The following ADCY2 variants were observed in gnomAD, a reference collection of about 807,000 sequenced individuals.
The protein encoded by ADCY2 is adenylate cyclase type 2.
In ADCY2, 31 loss-of-function variants were observed where a neutral mutation model predicts 125.2. The ratio of observed to expected loss-of-function variants is 0.25; its 90% CI spans 0.19 to 0.33. ADCY2 has a LOEUF of 0.33. Ranked by LOEUF, ADCY2 falls within the 10% of genes least tolerant of loss-of-function variation. The pLI, the probability that ADCY2 is intolerant of heterozygous loss-of-function variation, is 1.00. For missense variants in ADCY2, 904 were observed against 1,418.2 expected (o/e 0.64, Z 5.82); for synonymous variants, 512 against 548.4 (o/e 0.93, Z 0.93).
chr5:7,690,520 T>C (rs889968082), intron 4 of ADCY2, 171 bp from the exon 5 acceptor site: 2 of 465,548 alleles, frequency 4.3e-6, no homozygotes, highest in Non-Finnish European at 7.2e-6. Context: ...CAGTCCGACC[T>C]TAGAAAATCT....
At chr5:7,573,933 C>T (rs1267979256) in intron 3 of ADCY2, among the ~76,000 whole-genome samples, 8 of 104,666 alleles carry the variant, frequency 7.6e-5, no homozygotes, top group African/African-American at 2.9e-4. Context: ...ACAACAGTCC[C>T]CAGAGTGTGA....
chr5:7,748,297 C>G (rs1742691766), intron 15 of ADCY2, among the ~76,000 whole-genome samples: 1 of 152,140 alleles, frequency 6.6e-6, no homozygotes, highest in Non-Finnish European at 1.5e-5. Flanking sequence ...ATTGAAATTT[C>G]TTGCTCACAT....
intron 1 of ADCY2, among the ~76,000 whole-genome samples, chr5:7,412,662 C>A (rs574075196): frequency 6.6e-6 from 1 of 152,366 alleles, no homozygotes; most frequent in African/African-American, 2.4e-5. Flanking sequence ...TACTTGTTTT[C>A]TGCCAGTTCT....
chr5:7,619,378 G>A (rs986389318), intron 3 of ADCY2, among the ~76,000 whole-genome samples: 1 of 152,192 alleles, frequency 6.6e-6, no homozygotes, highest in African/African-American at 2.4e-5. Flanking sequence ...ATGGTCTGCA[G>A]AATAGGTCAA....
At chr5:7,552,346 G>C (rs1173441247) in intron 3 of ADCY2, among the ~76,000 whole-genome samples, 1 of 152,190 alleles carries the variant, frequency 6.6e-6, no homozygotes, top group Non-Finnish European at 1.5e-5. Context: ...TTTCATCAGT[G>C]AGAAGCAGTA....
chr5:7,478,103 A>C (rs942209355), intron 2 of ADCY2, among the ~76,000 whole-genome samples: 1 of 152,198 alleles, frequency 6.6e-6, no homozygotes, highest in Non-Finnish European at 1.5e-5. Context: ...TTGTACATTT[A>C]CTTTATCAAT....
chr5:7,637,730 G>T (rs1378259076), intron 4 of ADCY2, among the ~76,000 whole-genome samples: 2 of 152,022 alleles, frequency 1.3e-5, no homozygotes, highest in Admixed American at 6.6e-5. Flanking sequence ...TGTTTTAGAA[G>T]GTATATTAAA....
intron 16 of ADCY2, among the ~76,000 whole-genome samples, chr5:7,765,893 G>A (rs1242593274): frequency 2.0e-5 from 3 of 152,128 alleles, no homozygotes; most frequent in Admixed American, 6.5e-5. Context: ...TGATCCGTGG[G>A]TATTTAGTCT....
intron 3 of ADCY2, among the ~76,000 whole-genome samples, chr5:7,588,015 T>C (rs1301277155): frequency 6.6e-6 from 1 of 152,184 alleles, no homozygotes; most frequent in East Asian, 1.9e-4. Flanking sequence ...ACAGTATAAA[T>C]TTATTATTAC....
intron 2 of ADCY2, among the ~76,000 whole-genome samples, chr5:7,501,056 T>C (rs951864094): frequency 1.3e-5 from 2 of 151,968 alleles, no homozygotes; most frequent in Admixed American, 1.3e-4. Context: ...TCTTTATGTG[T>C]GTTTTAAAAG....
intron 2 of ADCY2, among the ~76,000 whole-genome samples, chr5:7,442,888 C>G (rs1384724575): frequency 1.3e-5 from 2 of 152,106 alleles, no homozygotes; most frequent in Admixed American, 1.3e-4. Flanking sequence ...CACATAAACT[C>G]TTGGATTGAT....
At chr5:7,698,470 T>TAG in intron 7 of ADCY2, 96 bp downstream of exon 7, 1 of 1,333,912 alleles carries the variant, frequency 7.5e-7, no homozygotes, top group African/African-American at 1.5e-5. Context: ...ATACATGTAC[T>TAG]GTGTTGGTTT....
At chr5:7,455,598 T>G (rs1741638435) in intron 2 of ADCY2, among the ~76,000 whole-genome samples, 1 of 148,962 alleles carries the variant, frequency 6.7e-6, no homozygotes, top group South Asian at 2.1e-4. Context: ...GTACATATTA[T>G]AATTATGTAT....
chr5:7,505,540 A>G (rs932900680), intron 2 of ADCY2, among the ~76,000 whole-genome samples: 5 of 152,242 alleles, frequency 3.3e-5, no homozygotes, highest in Non-Finnish European at 5.9e-5. Context: ...AGGACTGTGC[A>G]GGAAGATGTT....
chr5:7,773,457 T>C (rs1272545922), intron 18 of ADCY2, among the ~76,000 whole-genome samples: 1 of 152,168 alleles, frequency 6.6e-6, no homozygotes, highest in Admixed American at 6.6e-5. Flanking sequence ...AGGTAGGGTG[T>C]TTAGTGACAT....
At chr5:7,530,123 C>A (rs1174556756) in intron 3 of ADCY2, among the ~76,000 whole-genome samples, 1 of 152,132 alleles carries the variant, frequency 6.6e-6, no homozygotes, top group Non-Finnish European at 1.5e-5. Flanking sequence ...GGCCAACCTC[C>A]TTGTTTGGTT....
At chr5:7,752,820 G>A (rs1002537645) in intron 15 of ADCY2, among the ~76,000 whole-genome samples, 1 of 151,648 alleles carries the variant, frequency 6.6e-6, no homozygotes, top group Non-Finnish European at 1.5e-5. Context: ...AAGAACATTG[G>A]GATTCATCCC....
chr5:7,657,040 A>G (rs1326307747), intron 4 of ADCY2, among the ~76,000 whole-genome samples: 1 of 152,210 alleles, frequency 6.6e-6, no homozygotes, highest in Non-Finnish European at 1.5e-5. Context: ...ATTGTATAAA[A>G]TTGTTTTTGG....
At position 7,681,565 on chromosome 5, in the gene ADCY2, C is replaced by T. The variant is rs1428525; in HGVS notation, c.721-9126C>T. The stretch of plus-strand genomic sequence containing the variant: ...GAGAGAAATGCAGTGCAGTTTTTTC[C>T]GGAAATCTCCCCAGTTGACAATATT... On this transcript the variant is annotated intron_variant, in intron 4 of 24. Coordinates refer to ENST00000338316, the MANE Select transcript of ADCY2 (RefSeq NM_020546.3). Among the ~76,000 whole-genome samples, 495 of 152,156 alleles carry T rather than the reference C, an allele frequency of 3.3e-3. 1 individual carries two copies. The highest frequency in any genetic ancestry group is 0.011 in the African/African-American group (476 of 41,514).
Sources: allele counts gnomAD v4.1 joint callset (sites outside exome capture counted in the v4.1 genomes callset), GRCh38; gene constraint gnomAD v4.1.1; transcripts MANE v1.5; gene names NCBI Gene and HGNC (gene_info 2026-07-23, HGNC 2026-07-21).